The following SLC6A3 variants were observed in gnomAD, a reference collection of about 807,000 sequenced individuals.
SLC6A3 encodes the protein sodium-dependent dopamine transporter.
Under a neutral mutation model 70.4 loss-of-function variants are expected in SLC6A3, and 19 were observed. The observed-to-expected ratio is 0.27, with a 90% CI of 0.19 to 0.40. The LOEUF is 0.40. Ranked by LOEUF, SLC6A3 falls within the 10% of genes least tolerant of loss-of-function variation. SLC6A3 has a pLI of 1.00. For missense variants in SLC6A3, 613 were observed against 838.5 expected (o/e 0.73, Z 3.32); for synonymous variants, 368 against 356.6 (o/e 1.03, Z -0.36).
intron 4 of SLC6A3, 40 bp from the exon 5 acceptor site, chr5:1,422,054 T>C: frequency 1.3e-6 from 2 of 1,599,202 alleles, no homozygotes; most frequent in South Asian, 2.2e-5. Context: ...TGGGTGGCTG[T>C]CAACCCACCT....
chr5:1,418,370 CA>C (rs1756355257), intron 6 of SLC6A3, among the ~76,000 whole-genome samples: 1 of 152,144 alleles, frequency 6.6e-6, no homozygotes, highest in Non-Finnish European at 1.5e-5. Flanking sequence ...CTTCACTATA[CA>C]TCAATCCATC....
At chr5:1,425,198 T>G (rs61696543) in intron 4 of SLC6A3, among the ~76,000 whole-genome samples, 29,757 of 152,174 alleles carry the variant, frequency 0.2, 3,125 homozygotes, top group South Asian at 0.23. Context: ...GTGGAGCCAC[T>G]GGTGGTGATC....
rs1756123521 is a variant in SLC6A3, at chr5:1,411,445, C to T, written c.1157-90G>A. The T allele has an allele frequency of 7.4e-6, 7 of 944,668 alleles. No homozygotes were observed. Among genetic ancestry groups the T allele is most frequent in the Non-Finnish European group, 1.2e-5 (7 of 598,312 alleles). The allele number at this position is 944,668 out of a possible 1,614,324, so 58.5% of individuals were successfully genotyped here. On this transcript the variant is annotated intron_variant, in intron 8 of 14. Transcript: ENST00000270349. This position sits in a 1 kb window ranked among gnomAD's most constrained non-coding sequence, Gnocchi z 6.5. Reference sequence around the variant, plus strand: ...ACCCCGCCCCGAGAAGCATGGCCTGCCACAGGCCTGTAGAGACTAGGGCTG... The same window carrying T: ...ACCCCGCCCCGAGAAGCATGGCCTGTCACAGGCCTGTAGAGACTAGGGCTG...
rs1345830851 is a variant in SLC6A3 at position 1,414,677 on chromosome 5, C to T, written c.1156+14G>A. The T allele has an allele frequency of 6.2e-7, 1 of 1,611,816 alleles. No individual in the cohort carries two copies. The highest frequency in any genetic ancestry group is 1.7e-5 in the Admixed American group (1 of 59,914). On this transcript the variant is annotated intron_variant, in intron 8 of 14. Transcript: ENST00000270349. ...CTACACGGAGCAGGCCCAGGTGCAG[C>T]AGGAGGGGCTCACCGTCCTTGGCCA... is the stretch of plus-strand genomic sequence containing the variant.
chr5:1,399,425 C>T (rs1371266758), intron 14 of SLC6A3, among the ~76,000 whole-genome samples: 2 of 152,120 alleles, frequency 1.3e-5, no homozygotes, highest in Non-Finnish European at 2.9e-5. Context: ...GTTAGCAAAA[C>T]TACAACAGAG....
In SLC6A3 at chr5:1,402,996, C is replaced by A. The variant is rs751060245; in HGVS notation, c.1693G>T (p.Ala565Ser). 2 of 1,614,082 alleles carry A rather than the reference C, an allele frequency of 1.2e-6. No individual in the cohort carries two copies. Among genetic ancestry groups the A allele is most frequent in the East Asian group, 4.5e-5 (2 of 44,874 alleles). The change falls in exon 13 of 15, where the codon GCC becomes TCC. Residue 565 changes from alanine (A) to serine (S), a missense_variant. By Grantham distance (99) the Ala-to-Ser change is moderately conservative (BLOSUM62 1). Coordinates refer to ENST00000270349, the MANE Select transcript of SLC6A3 (RefSeq NM_001044.5). The surrounding 1 kb of genome is among the most constrained non-coding windows in gnomAD (Gnocchi z 8.5). ...GGCACCATGGCCATGGAGGATGTGG[C>A]GATGACCCAGCCCAGCGCGTTGGCC... ...DWANALGWVI[A>S]TSSMAMVPIY...
chr5:1,414,460 G>GCTGGGTGGGGGGCCTGGAGGGGCAGGGAA (rs1756215404), intron 8 of SLC6A3, among the ~76,000 whole-genome samples: 1 of 56,002 alleles, frequency 1.8e-5, no homozygotes, highest in Non-Finnish European at 3.3e-5. Flanking sequence ...GGGGCAGGGC[G>GCTGGGTGGGGGGCCTGGAGGGGCAGGGAA]GGGAAGGCGC....
At chr5:1,409,638 C>A in intron 10 of SLC6A3, 83 bp downstream of exon 10, 3 of 1,539,534 alleles carry the variant, frequency 1.9e-6, no homozygotes, top group Non-Finnish European at 1.8e-6. Flanking sequence ...TTCTGTCTGG[C>A]CTGACAGTCC....
At chr5:1,434,738 G>T (rs569166124) in intron 3 of SLC6A3, among the ~76,000 whole-genome samples, 24 of 152,352 alleles carry the variant, frequency 1.6e-4, no homozygotes, top group African/African-American at 5.8e-4. Context: ...CATGGCCGGG[G>T]TAGGAGCATA....
Position 1,443,228 on chromosome 5 carries a change from T to G in SLC6A3, c.-31A>C. 6.2e-7 allele frequency: 1 copy of G among 1,611,864 alleles called. No homozygotes were observed. The highest frequency in any genetic ancestry group is 8.5e-7 in the Non-Finnish European group (1 of 1,178,164). On this transcript the variant is annotated 5_prime_UTR_variant, in exon 2 of 15. Transcript: ENST00000270349. Reference sequence around the variant, plus strand: ...CACTGGGAGTTGAGGAATTCTGTGCTTCTTCCCTCTTGGTCTTCAGCCAAT... The same window carrying G: ...CACTGGGAGTTGAGGAATTCTGTGCGTCTTCCCTCTTGGTCTTCAGCCAAT...
Position 1,406,077 on chromosome 5 carries a change from C to A in SLC6A3, c.1599+111G>T. 1.3e-6 allele frequency: 1 copy of A among 798,758 alleles called. No homozygotes were observed. The highest frequency in any genetic ancestry group is 3.0e-4 in the Middle Eastern group (1 of 3,284). 49.5% of individuals were successfully genotyped at this position (798,758 alleles called of 1,614,324 possible). On this transcript the variant is annotated intron_variant, in intron 12 of 14. Coordinates refer to ENST00000270349, the MANE Select transcript of SLC6A3 (RefSeq NM_001044.5). This position sits in a 1 kb window ranked among gnomAD's most constrained non-coding sequence, Gnocchi z 8.8. Reference sequence around the variant, plus strand: ...CCTTCTGGGCCGAGTCTTGAGGCCCCTGACTCCAGCCACAGTGACAACCCA... The same window carrying A: ...CCTTCTGGGCCGAGTCTTGAGGCCCATGACTCCAGCCACAGTGACAACCCA...
intron 8 of SLC6A3, 73 bp downstream of exon 8, chr5:1,414,618 G>C: frequency 1.3e-6 from 2 of 1,561,130 alleles, no homozygotes; most frequent in Non-Finnish European, 8.7e-7. Context: ...TCTTTCACAA[G>C]GAAAAAGGCT....
intron 6 of SLC6A3, among the ~76,000 whole-genome samples, chr5:1,418,544 C>A (rs772121949): frequency 6.6e-6 from 1 of 152,150 alleles, no homozygotes; most frequent in Non-Finnish European, 1.5e-5. Flanking sequence ...TATCTCCATC[C>A]ATCCTATTGT....
chr5:1,408,410 C>T lies in SLC6A3; in HGVS notation c.1498+616G>A, dbSNP rs1192195063. 3.9e-5 allele frequency among the ~76,000 whole-genome samples: 6 copies of T among 152,104 alleles called. No individual in the cohort carries two copies. Among genetic ancestry groups the T allele is most frequent in the South Asian group, 2.1e-4 (1 of 4,808 alleles). ...CCTGGAAGTGAGCTGGCCAGGTAAG[C>T]GGAGCTGGCACTCCTGCCCATTTTA... On this transcript the variant is annotated intron_variant, in intron 11 of 14. Transcript: ENST00000270349. This position sits in a 1 kb window ranked among gnomAD's most constrained non-coding sequence, Gnocchi z 6.4.
chr5:1,419,804 A>G (rs1200455733), intron 6 of SLC6A3, among the ~76,000 whole-genome samples: 1 of 24,936 alleles, frequency 4.0e-5, no homozygotes, highest in Non-Finnish European at 8.6e-5. Context: ...ACCCCCACCC[A>G]ACTGCTTTGC....
chr5:1,409,717 G>C lies in SLC6A3; in HGVS notation c.1398+4C>G. Reference sequence around the variant, plus strand: ...GAGAAGGCGAAGCCGGCGATGGTACGTACGTTGGTGACGCAGAACAGGGAC... The same window carrying C: ...GAGAAGGCGAAGCCGGCGATGGTACCTACGTTGGTGACGCAGAACAGGGAC... On this transcript the variant is annotated splice_donor_region_variant and intron_variant, in intron 10 of 14. Transcript: ENST00000270349. The C allele has an allele frequency of 6.2e-7, 1 of 1,613,164 alleles. No homozygotes were observed. The highest frequency in any genetic ancestry group is 8.5e-7 in the Non-Finnish European group (1 of 1,180,018).
At position 1,423,168 on chromosome 5, in the gene SLC6A3, ACGC is replaced by A; in HGVS notation, c.654-1157_654-1155del. Among the ~76,000 whole-genome samples, 10 of 103,946 alleles carry A rather than the reference ACGC, an allele frequency of 9.6e-5. 2 individuals are homozygous for A. The highest frequency in any genetic ancestry group is 6.5e-4 in the East Asian group (2 of 3,084). 68.2% of individuals were successfully genotyped at this position (103,946 alleles called of 152,430 possible). A position where few individuals can be genotyped will look rare whatever the true frequency, so the allele number is the denominator to read the frequency against. On this transcript the variant is annotated intron_variant, in intron 4 of 14. Transcript: ENST00000270349. ...CCCACCGCTGCCCACAGTGCTGCCC[ACGC>A]TGCTGGGTACCCACTGCTGCCCAGT...
At chr5:1,410,821 CGT>C (rs1756099165) in intron 9 of SLC6A3, among the ~76,000 whole-genome samples, 2 of 151,350 alleles carry the variant, frequency 1.3e-5, no homozygotes, top group African/African-American at 2.4e-5. Flanking sequence ...TGTGTGCATG[CGT>C]GTGTGCATGT....
chr5:1,393,496 C>G lies in SLC6A3; in HGVS notation c.*1239G>C, dbSNP rs1037644768. ...ACTGTTGTTATTGATGTGGCACGCA[C>G]CTGAGAGAAATAAAATTCCAGTGGG... is the stretch of plus-strand genomic sequence containing the variant. On this transcript the variant is annotated 3_prime_UTR_variant, in exon 15 of 15. Transcript: ENST00000270349. 6.5e-6 allele frequency: 1 copy of G among 153,948 alleles called. No individual in the cohort carries two copies. The highest frequency in any genetic ancestry group is 1.5e-5 in the Non-Finnish European group (1 of 68,236). The allele number at this position is 153,948 out of a possible 1,614,324, so 9.5% of individuals were successfully genotyped here.
Sources: gnomAD v4.1 joint callset for allele counts (sites outside exome capture counted in the v4.1 genomes callset) on GRCh38, gnomAD v4.1.1 for gene constraint, Gnocchi (gnomAD v3.1) non-coding constraint, MANE v1.5 for transcripts, NCBI Gene and HGNC (gene_info 2026-07-23, HGNC 2026-07-21) for gene names.